CACNA2D3: variants seen among roughly 807,000 people sequenced by gnomAD.
The protein encoded by CACNA2D3 is calcium voltage-gated channel auxiliary subunit alpha2delta 3.
Under a neutral mutation model 160.6 loss-of-function variants are expected in CACNA2D3, and 60 were observed. The observed-to-expected ratio is 0.37, with a 90% CI of 0.30 to 0.46. CACNA2D3 has a LOEUF of 0.46. Among genes scored for constraint, CACNA2D3 ranks in the 20% least tolerant of loss-of-function variants. The pLI is 1.00. For missense variants in CACNA2D3, 1,205 were observed against 1,365.0 expected (o/e 0.88, Z 1.85); for synonymous variants, 558 against 492.9 (o/e 1.13, Z -1.75).
chr3:54,205,232 C>T (rs1701253079), intron 2 of CACNA2D3, among the ~76,000 whole-genome samples: 1 of 152,098 alleles, frequency 6.6e-6, no homozygotes, highest in African/African-American at 2.4e-5. Context: ...GGGGAGGACT[C>T]ACCTAGTGTA....
At chr3:54,591,983 C>T (rs1427372870) in intron 9 of CACNA2D3, among the ~76,000 whole-genome samples, 3 of 152,076 alleles carry the variant, frequency 2.0e-5, no homozygotes, top group African/African-American at 4.8e-5. Context: ...CTTTCCTGCC[C>T]GTACCTTTCA....
intron 11 of CACNA2D3, among the ~76,000 whole-genome samples, chr3:54,725,594 C>A (rs1332159706): frequency 6.6e-6 from 1 of 152,298 alleles, no homozygotes; most frequent in Non-Finnish European, 1.5e-5. Flanking sequence ...ACCTGGGATG[C>A]AAGGTTGGTT....
intron 35 of CACNA2D3, among the ~76,000 whole-genome samples, chr3:55,038,864 CTATATATATATATATATATATATATA>C (rs10576329): frequency 0.014 from 1,374 of 99,096 alleles, 59 homozygotes; most frequent in African/African-American, 0.044. Context: ...AGCCAGGATG[CTATATATATATATATATATATATATA>C]TATATATATA....
Position 54,652,783 on chromosome 3 carries a change from CTT to C in CACNA2D3, c.1167+10558_1167+10559del, listed in dbSNP as rs11428424. ...GGGGTTGGTGAGGAGCCATGGGAGG[CTT>C]TTTTTTTTTTTTTTTGAGACCGAGT... On this transcript the variant is annotated intron_variant, in intron 11 of 37. Coordinates refer to ENST00000474759, the MANE Select transcript of CACNA2D3 (RefSeq NM_018398.3). Among the ~76,000 whole-genome samples, 15 of 118,240 alleles carry C rather than the reference CTT, an allele frequency of 1.3e-4. No individual in the cohort carries two copies. In the East Asian group the frequency reaches 2.0e-3, roughly 15 times the overall value. 77.6% of individuals were successfully genotyped at this position (118,240 alleles called of 152,430 possible).
At chr3:54,336,073 A>T (rs998629323) in intron 3 of CACNA2D3, among the ~76,000 whole-genome samples, 1 of 150,474 alleles carries the variant, frequency 6.6e-6, no homozygotes, top group African/African-American at 2.4e-5. Context: ...ACTATATCTC[A>T]GGGAGGTAAC....
intron 27 of CACNA2D3, among the ~76,000 whole-genome samples, chr3:54,953,554 C>G (rs137931744): frequency 1.2e-4 from 18 of 152,328 alleles, no homozygotes; most frequent in African/African-American, 3.8e-4. Context: ...AACAAGGCCT[C>G]AGGAGACCTT....
chr3:54,986,647 G>C (rs1347125706), intron 30 of CACNA2D3, among the ~76,000 whole-genome samples: 1 of 152,166 alleles, frequency 6.6e-6, no homozygotes, highest in Non-Finnish European at 1.5e-5. Flanking sequence ...AGGTCACTCA[G>C]TTAGTTGCAA....
intron 2 of CACNA2D3, among the ~76,000 whole-genome samples, chr3:54,165,535 A>G (rs1700435420): frequency 6.6e-6 from 1 of 151,938 alleles, no homozygotes; most frequent in Non-Finnish European, 1.5e-5. Flanking sequence ...CTAACAAATG[A>G]AGAAACAGGC....
At chr3:54,600,580 A>T (rs2106772122) in intron 9 of CACNA2D3, among the ~76,000 whole-genome samples, 1 of 152,242 alleles carries the variant, frequency 6.6e-6, no homozygotes, top group East Asian at 1.9e-4. Flanking sequence ...TCAGGAGCTG[A>T]GTTACTGGCT....
intron 29 of CACNA2D3, among the ~76,000 whole-genome samples, chr3:54,981,199 T>G (rs1702498898): frequency 6.6e-6 from 1 of 152,240 alleles, no homozygotes; most frequent in Admixed American, 6.5e-5. Flanking sequence ...TTTTCTTTTT[T>G]CAGGGATGTG....
intron 11 of CACNA2D3, among the ~76,000 whole-genome samples, chr3:54,748,755 C>G (rs1307902482): frequency 1.3e-5 from 2 of 152,170 alleles, no homozygotes; most frequent in African/African-American, 4.8e-5. Flanking sequence ...CCAGATTTGG[C>G]TCTGCTTCAC....
At chr3:54,435,565 C>T (rs7644514) in intron 4 of CACNA2D3, among the ~76,000 whole-genome samples, 73,425 of 151,898 alleles carry the variant, frequency 0.48, 18,499 homozygotes, top group East Asian at 0.56. Flanking sequence ...GGGAAGCTAA[C>T]GTACACTCCC....
chr3:54,809,129 A>G (rs1703214600), intron 13 of CACNA2D3, among the ~76,000 whole-genome samples: 1 of 152,008 alleles, frequency 6.6e-6, no homozygotes, highest in South Asian at 2.1e-4. Context: ...TAGAGGTAGT[A>G]TTTGAAAGGT....
intron 3 of CACNA2D3, among the ~76,000 whole-genome samples, chr3:54,347,335 G>T (rs532394707): frequency 1.3e-5 from 2 of 152,302 alleles, no homozygotes; most frequent in East Asian, 3.9e-4. Flanking sequence ...TTTCCTGCTG[G>T]CATAGAGGTT....
chr3:54,458,148 A>G (rs1490993814), intron 4 of CACNA2D3, among the ~76,000 whole-genome samples: 4 of 152,060 alleles, frequency 2.6e-5, no homozygotes, highest in Non-Finnish European at 5.9e-5. Context: ...AGTTTTTGAT[A>G]TCCTTTGTTC....
intron 13 of CACNA2D3, among the ~76,000 whole-genome samples, chr3:54,788,361 C>T (rs567398441): frequency 1.3e-5 from 2 of 152,166 alleles, no homozygotes; most frequent in South Asian, 2.1e-4. Flanking sequence ...GATGTCTCAC[C>T]ACCAGTCCGT....
chr3:54,461,353 A>G (rs1224563786), intron 4 of CACNA2D3, among the ~76,000 whole-genome samples: 1 of 150,950 alleles, frequency 6.6e-6, no homozygotes, highest in Non-Finnish European at 1.5e-5. Context: ...AAGGAATGGT[A>G]CCAGTTCCTC....
At chr3:54,137,391 C>T (rs1351813167) in intron 2 of CACNA2D3, among the ~76,000 whole-genome samples, 1 of 152,188 alleles carries the variant, frequency 6.6e-6, no homozygotes, top group East Asian at 1.9e-4. Context: ...TTTCTTCTTA[C>T]CAAATAGGTT....
chr3:54,602,769 G>C (rs1318144956), intron 9 of CACNA2D3, among the ~76,000 whole-genome samples: 1 of 152,164 alleles, frequency 6.6e-6, no homozygotes, highest in Non-Finnish European at 1.5e-5. Context: ...TAAGGAGACT[G>C]AATTTTAGGG....
Sources: gnomAD v4.1 joint callset for allele counts (sites outside exome capture counted in the v4.1 genomes callset) on GRCh38, gnomAD v4.1.1 for gene constraint, MANE v1.5 for transcripts, NCBI Gene and HGNC (gene_info 2026-07-23, HGNC 2026-07-21) for gene names.